The following EIF4A2 variants were observed in gnomAD, a reference collection of about 807,000 sequenced individuals.
EIF4A2 encodes eukaryotic translation initiation factor 4A2.
A neutral mutation model predicts 50.6 loss-of-function variants in EIF4A2; 9 were observed. The observed-to-expected ratio is 0.18, with a 90% CI of 0.11 to 0.31. EIF4A2 has a LOEUF of 0.31. Among genes scored for constraint, EIF4A2 ranks in the 10% least tolerant of loss-of-function variants. The pLI is 1.00. For missense variants in EIF4A2, 182 were observed against 501.8 expected, an observed-to-expected ratio of 0.36 and a Z score of 6.09; for synonymous variants, 215 against 164.4, an observed-to-expected ratio of 1.31 and a Z score of -2.35.
rs1275038551 is a variant in EIF4A2, at chr3:186,785,050, C to T, written c.297C>T (p.Phe99=). 1 of 1,614,070 alleles carries T rather than the reference C, an allele frequency of 6.2e-7. No individual in the cohort carries two copies. The change falls in exon 4 of 11, where the codon TTC becomes TTT. Residue 99 remains phenylalanine (F), a synonymous_variant. Coordinates refer to ENST00000323963, the MANE Select transcript of EIF4A2 (RefSeq NM_001967.4). ...TCCTGCAACAGTTGGAGATTGAGTT[C>T]AAGGAGACCCAAGCACTAGTATTGG... ...ISILQQLEIE[F]KETQALVLAP...
chr3:186,789,855 TAATG>T lies in EIF4A2; in HGVS notation c.*589_*592del, dbSNP rs563474181. ...TAAAATTGCCATATTGCACATGTCT[TAATG>T]AAGTTTGAATGTTAAATAAATTGTA... On this transcript the variant is annotated 3_prime_UTR_variant, in exon 11 of 11. Coordinates refer to ENST00000323963, the MANE Select transcript of EIF4A2 (RefSeq NM_001967.4). The T allele has an allele frequency of 5.0e-4, 367 of 738,128 alleles. 1 individual carries two copies. Among genetic ancestry groups the T allele is most frequent in the Admixed American group, 6.7e-4 (26 of 38,624 alleles). 45.7% of individuals were successfully genotyped at this position (738,128 alleles called of 1,614,324 possible).
intron 1 of EIF4A2, chr3:186,784,004 GAGGGTCCTAGGCTTTACTTGGGGA>G (rs1162840666): frequency 2.4e-6 from 1 of 418,578 alleles, no homozygotes; most frequent in Non-Finnish European, 4.3e-6. Flanking sequence ...CGAGTTGGGG[GAGGGTCCTAGGCTTTACTTGGGGA>G]AGGGTTGGAG....
chr3:186,784,824 G>T, intron 3 of EIF4A2, 128 bp downstream of exon 3: 1 of 1,599,108 alleles, frequency 6.3e-7, no homozygotes. Context: ...CATCTTTCGG[G>T]ACTGACCTGA....
intron 1 of EIF4A2, 198 bp downstream of exon 1, chr3:186,783,837 TG>T: frequency 1.2e-6 from 1 of 806,712 alleles, no homozygotes; most frequent in Non-Finnish European, 2.0e-6. Context: ...GCGAAAGCAG[TG>T]GCTAAAGGGC....
chr3:186,784,795 A>T, intron 3 of EIF4A2, 99 bp downstream of exon 3: 1 of 1,602,488 alleles, frequency 6.2e-7, no homozygotes, highest in Non-Finnish European at 8.5e-7. Context: ...TGTATTCCTT[A>T]AAGTGAAATG....
chr3:186,786,665 A>G lies in EIF4A2; in HGVS notation c.771+20A>G. The G allele has an allele frequency of 6.2e-7, 1 of 1,613,188 alleles. No homozygotes were observed. The highest frequency in any genetic ancestry group is 1.1e-5 in the South Asian group (1 of 90,984). On this transcript the variant is annotated intron_variant, in intron 7 of 10. Coordinates refer to ENST00000323963, the MANE Select transcript of EIF4A2 (RefSeq NM_001967.4). The stretch of plus-strand genomic sequence containing the variant: ...AGAGAGGTAACTGTCTGATTGTTAG[A>G]CATTATTTTACCTTCTTGTATAAGC...
At position 186,783,584 on chromosome 3, in the gene EIF4A2, G is replaced by C. The variant is rs753712985; in HGVS notation, c.-27G>C. The C allele has an allele frequency of 1.9e-6, 3 of 1,614,094 alleles. No individual in the cohort carries two copies. Among genetic ancestry groups the C allele is most frequent in the Admixed American group, 3.3e-5 (2 of 60,002 alleles). On this transcript the variant is annotated 5_prime_UTR_variant, in exon 1 of 11. Transcript: ENST00000323963. The stretch of plus-strand genomic sequence containing the variant: ...GTGGTTGGGCGCCGCTGTCTTTTCA[G>C]TCGGGCGCTGAGTGGTTTTTCGGAT...
At chr3:186,786,831 C>G in intron 7 of EIF4A2, 186 bp downstream of exon 7, 2 of 942,988 alleles carry the variant, frequency 2.1e-6, no homozygotes, top group Non-Finnish European at 3.5e-6. Context: ...TGTCCTTTGT[C>G]TTAAGATTTG....
chr3:186,789,027 A>C (rs147507109), intron 10 of EIF4A2, 98 bp from the exon 11 acceptor site: 4 of 1,477,932 alleles, frequency 2.7e-6, no homozygotes, highest in East Asian at 4.9e-5. Context: ...TATAACCTTG[A>C]TAAGTAAACA....
intron 7 of EIF4A2, 157 bp downstream of exon 7, chr3:186,786,802 CCT>C: frequency 9.5e-7 from 1 of 1,057,106 alleles, no homozygotes; most frequent in Admixed American, 1.7e-5. Flanking sequence ...CTGGGGTGGA[CCT>C]CTTTCTTAAT....
intron 1 of EIF4A2, 122 bp from the exon 2 acceptor site, chr3:186,784,310 C>G: frequency 7.1e-7 from 1 of 1,411,696 alleles, no homozygotes; most frequent in Non-Finnish European, 9.9e-7. Context: ...CGCCCTGAGG[C>G]TGCTGCTTTA....
intron 8 of EIF4A2, 48 bp from the exon 9 acceptor site, chr3:186,787,443 TTAAA>T (rs1721804141): frequency 6.2e-7 from 1 of 1,612,168 alleles, no homozygotes; most frequent in Non-Finnish European, 8.5e-7. Context: ...TTGATTAAAA[TTAAA>T]TACCGACCTG....
intron 7 of EIF4A2, 39 bp downstream of exon 7, chr3:186,786,684 T>A (rs1196100585): frequency 1.1e-5 from 18 of 1,611,794 alleles, no homozygotes; most frequent in Non-Finnish European, 1.4e-5. Context: ...TACCTTCTTG[T>A]ATAAGCACTG....
chr3:186,785,854 C>T (rs371736580), intron 4 of EIF4A2, 29 bp from the exon 5 acceptor site: 45 of 1,575,830 alleles, frequency 2.9e-5, no homozygotes, highest in Admixed American at 1.9e-4. Flanking sequence ...TGGAGTTCTG[C>T]GGAATAATAA....
At chr3:186,788,222 C>T (rs1721879316) in intron 10 of EIF4A2, 2 of 1,143,578 alleles carry the variant, frequency 1.7e-6, no homozygotes, top group Non-Finnish European at 2.3e-6. Flanking sequence ...TTGAGTGAAC[C>T]CTGGTTTAGT....
Position 186,783,683 on chromosome 3 carries a change from G to C in EIF4A2, c.29+44G>C, listed in dbSNP as rs190572503. The C allele has an allele frequency of 1.7e-4, 267 of 1,613,986 alleles. No homozygotes were observed. The African/African-American group carries it at 3.2e-3, about 19-fold the overall frequency. On this transcript the variant is annotated intron_variant, in intron 1 of 10. Transcript: ENST00000323963. ...GTCGCGGTCTGTAGTGAAGGTCATA[G>C]GGCGCCAGGGGAGATGATAGTGGAT...
Position 186,789,663 on chromosome 3 carries a change from TGTCATTA to T in EIF4A2, c.*396_*402del. On this transcript the variant is annotated 3_prime_UTR_variant, in exon 11 of 11. Coordinates refer to ENST00000323963, the MANE Select transcript of EIF4A2 (RefSeq NM_001967.4). The stretch of plus-strand genomic sequence containing the variant: ...CTAGCATATCTGCCTTTATTGTGTT[TGTCATTA>T]GCCTGAGTAGAAAGGCCTTTAAAAT... The T allele has an allele frequency of 2.8e-6, 1 of 353,032 alleles. No individual in the cohort carries two copies. The highest frequency in any genetic ancestry group is 5.1e-6 in the Non-Finnish European group (1 of 194,268). 21.9% of individuals were successfully genotyped at this position (353,032 alleles called of 1,614,324 possible).
intron 9 of EIF4A2, 26 bp downstream of exon 9, chr3:186,787,610 A>G (rs764137542): frequency 6.8e-6 from 11 of 1,613,698 alleles, no homozygotes; most frequent in South Asian, 3.3e-5. Context: ...CTTTTTAAAA[A>G]TCTACCAAAA....
rs371017456 is a variant in EIF4A2, at chr3:186,787,925, G to A, written c.1079+43G>A. ...TGGCTGTATTGAAAAAAATTCATAC[G>A]TTTTTCTACTGTGATTTGTATGAAA... On this transcript the variant is annotated intron_variant, in intron 10 of 10. Coordinates refer to ENST00000323963, the MANE Select transcript of EIF4A2 (RefSeq NM_001967.4). 3.3e-5 allele frequency: 53 copies of A among 1,588,400 alleles called. No individual in the cohort carries two copies. In the East Asian group the frequency reaches 4.5e-4, roughly 13 times the overall value.
Sources: allele counts gnomAD v4.1 joint callset, GRCh38; gene constraint gnomAD v4.1.1; transcripts MANE v1.5; gene names NCBI Gene and HGNC (gene_info 2026-07-23, HGNC 2026-07-21).